Variants in PARD3 observed in about 807,000 individuals in gnomAD.
PARD3 encodes the protein partitioning defective 3 homolog.
A neutral mutation model predicts 155.4 loss-of-function variants in PARD3; 75 were observed. The ratio of observed to expected loss-of-function variants is 0.48; its 90% CI spans 0.40 to 0.58. The LOEUF (loss-of-function observed/expected upper bound fraction) is 0.58, where lower values mean the gene tolerates loss of function less well. Ranked by LOEUF, PARD3 falls within the 20% of genes least tolerant of loss-of-function variation. The pLI, the probability that PARD3 is intolerant of heterozygous loss-of-function variation, is 0.00. For synonymous variants in PARD3, 576 were observed against 610.5 expected, an observed-to-expected ratio of 0.94 and a Z score of 0.83; for missense variants, 1,642 against 1,721.7, an observed-to-expected ratio of 0.95 and a Z score of 0.82.
In PARD3 at chr10:34,193,726, C is replaced by T. The variant is rs113144442; in HGVS notation, c.3420-62143G>A. Among the ~76,000 whole-genome samples the T allele has an allele frequency of 3.4e-3, 523 of 152,280 alleles. 5 individuals are homozygous for T. Among genetic ancestry groups the T allele is most frequent in the African/African-American group, 0.012 (493 of 41,550 alleles). On this transcript the variant is annotated intron_variant, in intron 22 of 24. Transcript: ENST00000374788. ...GCACTTCCCTCTCTTCTCTTCAGCT[C>T]GAATTTATATTCACAATAATTCCTG...
At chr10:34,330,638 A>T (rs923395146) in intron 19 of PARD3, among the ~76,000 whole-genome samples, 1 of 152,084 alleles carries the variant, frequency 6.6e-6, no homozygotes, top group Non-Finnish European at 1.5e-5. Context: ...ATTATTAAGC[A>T]CTCCAAATAA....
At position 34,364,316 on chromosome 10, in the gene PARD3, A is replaced by C. The variant is rs557140487; in HGVS notation, c.1708-4057T>G. On this transcript the variant is annotated intron_variant, in intron 12 of 24. Transcript: ENST00000374788. ...AGAAGACCATAAAATTATAGGAGTG[A>C]GCTCAATAGCCGATTTTTGGCTTTG... Among the ~76,000 whole-genome samples, 142 of 152,308 alleles carry C rather than the reference A, an allele frequency of 9.3e-4. 1 individual carries two copies. Among genetic ancestry groups the C allele is most frequent in the African/African-American group, 3.2e-3 (132 of 41,566 alleles).
At chr10:34,575,516 A>G (rs1023191818) in intron 2 of PARD3, among the ~76,000 whole-genome samples, 1 of 152,178 alleles carries the variant, frequency 6.6e-6, no homozygotes, top group Non-Finnish European at 1.5e-5. Flanking sequence ...CTTCTGTGTA[A>G]TAAGAAACCC....
chr10:34,609,047 GC>G (rs2090687479), intron 2 of PARD3, among the ~76,000 whole-genome samples: 1 of 152,030 alleles, frequency 6.6e-6, no homozygotes, highest in African/African-American at 2.4e-5. Flanking sequence ...GCATCAAAAG[GC>G]CCAGAACATT....
At chr10:34,783,895 C>G (rs1283413054) in intron 1 of PARD3, among the ~76,000 whole-genome samples, 2 of 151,974 alleles carry the variant, frequency 1.3e-5, no homozygotes, top group African/African-American at 4.8e-5. Flanking sequence ...AGTTTTATAA[C>G]TATCATTCTG....
In PARD3 at chr10:34,420,740, C is replaced by T. The variant is rs1305666140; in HGVS notation, c.715-18823G>A. Among the ~76,000 whole-genome samples, 3 of 152,182 alleles carry T rather than the reference C, an allele frequency of 2.0e-5. No homozygotes were observed. In the South Asian group the frequency reaches 6.2e-4, roughly 31 times the overall value. ...AAATAGAAGACAAAGACTACGATGG[C>T]AATCCGTACTGTGTATTTATAACAA... On this transcript the variant is annotated intron_variant, in intron 5 of 24. Transcript: ENST00000374788.
At chr10:34,723,068 G>A (rs998727176) in intron 1 of PARD3, among the ~76,000 whole-genome samples, 1 of 152,074 alleles carries the variant, frequency 6.6e-6, no homozygotes, top group African/African-American at 2.4e-5. Flanking sequence ...TATTGGCCAG[G>A]CACGGTGGCT....
intron 2 of PARD3, among the ~76,000 whole-genome samples, chr10:34,568,795 T>A (rs7899568): frequency 6.6e-6 from 1 of 152,026 alleles, no homozygotes; most frequent in African/African-American, 2.4e-5. Flanking sequence ...ATTTCCTCAA[T>A]TGTAAAAAAG....
chr10:34,422,003 G>C (rs1157892106), intron 5 of PARD3, among the ~76,000 whole-genome samples: 9 of 152,044 alleles, frequency 5.9e-5, no homozygotes, highest in Admixed American at 5.9e-4. Context: ...GAAGATATCT[G>C]GGTAAAGCAA....
At chr10:34,279,141 CT>C (rs143467605) in intron 21 of PARD3, among the ~76,000 whole-genome samples, 137 of 102,034 alleles carry the variant, frequency 1.3e-3, no homozygotes, top group Middle Eastern at 0.017. Flanking sequence ...ATATTTTTTC[CT>C]TTTTTTTTTT....
At chr10:34,369,703 T>C (rs1169358918) in intron 12 of PARD3, among the ~76,000 whole-genome samples, 1 of 152,174 alleles carries the variant, frequency 6.6e-6, no homozygotes, top group Non-Finnish European at 1.5e-5. Flanking sequence ...ACCATTCCTG[T>C]GGTTTAAAGT....
At position 34,768,912 on chromosome 10, in the gene PARD3, C is replaced by A. The variant is rs140744030; in HGVS notation, c.120+45964G>T. On this transcript the variant is annotated intron_variant, in intron 1 of 24. Coordinates refer to ENST00000374788, the MANE Select transcript of PARD3 (RefSeq NM_001184785.2). ...GAGGTGAATATCCAGTTCCCAGCGC[C>A]GAACTCCAGTTCACGTCACCCTCGG... Among the ~76,000 whole-genome samples, 534 of 152,314 alleles carry A rather than the reference C, an allele frequency of 3.5e-3. 7 individuals carry two copies. Among genetic ancestry groups the A allele is most frequent in the East Asian group, 0.027 (141 of 5,160 alleles).
chr10:34,503,627 T>C (rs554854025), intron 3 of PARD3, among the ~76,000 whole-genome samples: 1 of 152,312 alleles, frequency 6.6e-6, no homozygotes, highest in East Asian at 1.9e-4. Flanking sequence ...TGTGATATGG[T>C]AGAAACACAC....
chr10:34,511,541 T>C (rs1183879944), intron 3 of PARD3, among the ~76,000 whole-genome samples: 1 of 152,138 alleles, frequency 6.6e-6, no homozygotes, highest in Non-Finnish European at 1.5e-5. Flanking sequence ...GAATGCAGCA[T>C]CCTCACATGA....
intron 14 of PARD3, among the ~76,000 whole-genome samples, chr10:34,353,609 A>G (rs1242228953): frequency 6.6e-6 from 1 of 151,954 alleles, no homozygotes; most frequent in Non-Finnish European, 1.5e-5. Context: ...GCCTAGGAAA[A>G]CCAGAGACCC....
chr10:34,181,457 A>G (rs1374757520), intron 22 of PARD3, among the ~76,000 whole-genome samples: 1 of 152,164 alleles, frequency 6.6e-6, no homozygotes, highest in Non-Finnish European at 1.5e-5. Flanking sequence ...TTTTAGTCTC[A>G]GAATTTCCCT....
chr10:34,576,263 G>T (rs999107685), intron 2 of PARD3, among the ~76,000 whole-genome samples: 1 of 152,158 alleles, frequency 6.6e-6, no homozygotes, highest in Non-Finnish European at 1.5e-5. Flanking sequence ...AATACAGTTC[G>T]CTTGCCTCTG....
chr10:34,557,256 A>C (rs2085079639), intron 2 of PARD3, among the ~76,000 whole-genome samples: 1 of 152,316 alleles, frequency 6.6e-6, no homozygotes. Context: ...ACTTGACAAG[A>C]GGGAGTGTGC....
intron 8 of PARD3, 80 bp downstream of exon 8, chr10:34,384,049 A>G (rs1042418345): frequency 4.7e-5 from 65 of 1,389,824 alleles, no homozygotes; most frequent in Admixed American, 2.2e-4. Context: ...GATCACAGAC[A>G]TGTTTGAAGC....
Sources: allele counts gnomAD v4.1 joint callset (sites outside exome capture counted in the v4.1 genomes callset), GRCh38; gene constraint gnomAD v4.1.1; transcripts MANE v1.5; gene names NCBI Gene and HGNC (gene_info 2026-07-23, HGNC 2026-07-21).